The following PTPRD variants were observed in gnomAD, a reference collection of about 807,000 sequenced individuals.
The protein encoded by PTPRD is protein tyrosine phosphatase receptor type D, also known as receptor-type tyrosine-protein phosphatase delta.
In PTPRD, 34 loss-of-function variants were observed where a neutral mutation model predicts 214.5. That is an observed-to-expected ratio of 0.16 (90% CI 0.12 to 0.21). The LOEUF is 0.21. PTPRD is among the 10% of genes least tolerant of loss of function. PTPRD has a pLI of 1.00. For missense variants in PTPRD, 2,545 were observed against 2,398.7 expected, an observed-to-expected ratio of 1.06 and a Z score of -1.27; for synonymous variants, 1,128 against 845.7, an observed-to-expected ratio of 1.33 and a Z score of -5.79.
At chr9:8,667,785 C>A (rs911940794) in intron 12 of PTPRD, among the ~76,000 whole-genome samples, 1 of 151,596 alleles carries the variant, frequency 6.6e-6, no homozygotes, top group South Asian at 2.1e-4. Context: ...AATAAAAATC[C>A]AAAATCTGAA....
intron 10 of PTPRD, among the ~76,000 whole-genome samples, chr9:9,107,611 G>A (rs1046711986): frequency 1.3e-5 from 2 of 152,158 alleles, no homozygotes; most frequent in African/African-American, 4.8e-5. Context: ...TAAAAGGGAG[G>A]AAGTAGGTGA....
intron 3 of PTPRD, among the ~76,000 whole-genome samples, chr9:10,129,871 A>G (rs2098846599): frequency 6.6e-6 from 1 of 152,116 alleles, no homozygotes; most frequent in African/African-American, 2.4e-5. Flanking sequence ...CAGAGAAAAC[A>G]TCTAAACAAA....
intron 9 of PTPRD, among the ~76,000 whole-genome samples, chr9:9,315,407 T>A (rs1569567299): frequency 6.6e-6 from 1 of 152,030 alleles, no homozygotes; most frequent in Non-Finnish European, 1.5e-5. Flanking sequence ...GCCAGTAAGT[T>A]AAACACTTAT....
At chr9:9,066,996 A>G (rs1293882220) in intron 10 of PTPRD, among the ~76,000 whole-genome samples, 3 of 152,208 alleles carry the variant, frequency 2.0e-5, no homozygotes, top group Non-Finnish European at 2.9e-5. Context: ...TAATCCCAGC[A>G]CTTTGGGAGG....
rs1415064571 is a variant in PTPRD, at chr9:10,315,339, T to C, written c.-545+25624A>G. On this transcript the variant is annotated intron_variant, in intron 3 of 45. Coordinates refer to ENST00000381196, the MANE Select transcript of PTPRD (RefSeq NM_002839.4). ...ATATCTAAATCATCAGCAGAATAAA[T>C]GTAGTTTATTTTGTAAACTTCAGGA... Among the ~76,000 whole-genome samples, 3 of 152,060 alleles carry C rather than the reference T, an allele frequency of 2.0e-5. 1 individual carries two copies. The highest frequency in any genetic ancestry group is 6.8e-3 in the Middle Eastern group (2 of 294).
chr9:8,537,016 G>GA (rs1425402291), intron 14 of PTPRD, among the ~76,000 whole-genome samples: 1 of 151,854 alleles, frequency 6.6e-6, no homozygotes, highest in African/African-American at 2.4e-5. Context: ...TGAAGAAGAG[G>GA]AAAAAACATT....
intron 8 of PTPRD, among the ~76,000 whole-genome samples, chr9:9,455,985 A>G (rs1027896889): frequency 6.6e-6 from 1 of 151,802 alleles, no homozygotes; most frequent in Non-Finnish European, 1.5e-5. Flanking sequence ...ACCCATTAAT[A>G]TTACTACTTG....
intron 3 of PTPRD, among the ~76,000 whole-genome samples, chr9:10,214,365 C>T (rs1011085191): frequency 1.3e-5 from 2 of 151,762 alleles, no homozygotes; most frequent in Admixed American, 6.6e-5. Context: ...CAACCTCTAC[C>T]TCCTGGGTTC....
intron 36 of PTPRD, among the ~76,000 whole-genome samples, chr9:8,398,592 T>C (rs1458866829): frequency 1.3e-5 from 2 of 152,184 alleles, no homozygotes; most frequent in Non-Finnish European, 2.9e-5. Context: ...GGTGAGGTCT[T>C]AGGAAATGCT....
At chr9:10,517,574 T>C (rs1227429956) in intron 2 of PTPRD, among the ~76,000 whole-genome samples, 2 of 152,058 alleles carry the variant, frequency 1.3e-5, no homozygotes, top group Admixed American at 6.6e-5. Context: ...TTTTGTCCAA[T>C]GTAATTTTCA....
At chr9:9,690,678 A>G (rs1595330562) in intron 7 of PTPRD, among the ~76,000 whole-genome samples, 1 of 151,854 alleles carries the variant, frequency 6.6e-6, no homozygotes, top group East Asian at 1.9e-4. Flanking sequence ...GGATTTTTCC[A>G]TATAGGTTAT....
intron 3 of PTPRD, among the ~76,000 whole-genome samples, chr9:10,038,147 C>T (rs1407982737): frequency 6.6e-6 from 1 of 152,110 alleles, no homozygotes; most frequent in Non-Finnish European, 1.5e-5. Flanking sequence ...TTCCATGATG[C>T]TACTTTTCTC....
intron 7 of PTPRD, among the ~76,000 whole-genome samples, chr9:9,636,175 C>G (rs1364120816): frequency 6.6e-6 from 1 of 152,184 alleles, no homozygotes; most frequent in Non-Finnish European, 1.5e-5. Flanking sequence ...CCACTCCTCA[C>G]TCATTCAAAC....
At chr9:8,831,807 G>C (rs551397331) in intron 11 of PTPRD, among the ~76,000 whole-genome samples, 1 of 152,128 alleles carries the variant, frequency 6.6e-6, no homozygotes, top group Non-Finnish European at 1.5e-5. Context: ...AAACCTCAGA[G>C]AAAGTTTCAC....
intron 9 of PTPRD, among the ~76,000 whole-genome samples, chr9:9,304,185 T>A (rs1241226188): frequency 6.6e-6 from 1 of 152,108 alleles, no homozygotes; most frequent in African/African-American, 2.4e-5. Flanking sequence ...AACAATAGAT[T>A]TTATAAATTA....
chr9:9,703,443 A>T (rs1211761094), intron 7 of PTPRD, among the ~76,000 whole-genome samples: 2 of 152,188 alleles, frequency 1.3e-5, no homozygotes, highest in Non-Finnish European at 2.9e-5. Flanking sequence ...TGGGGTTTAC[A>T]TGGCAGAAAC....
chr9:9,227,582 T>A (rs1266778628), intron 9 of PTPRD, among the ~76,000 whole-genome samples: 1 of 152,092 alleles, frequency 6.6e-6, no homozygotes. Context: ...CTTCTAATGA[T>A]TAGAATAAAG....
intron 11 of PTPRD, among the ~76,000 whole-genome samples, chr9:8,790,043 G>T (rs1371854860): frequency 1.3e-5 from 2 of 151,898 alleles, no homozygotes; most frequent in Non-Finnish European, 2.9e-5. Flanking sequence ...TTGAGACAGG[G>T]TTTCACTGGG....
intron 44 of PTPRD, among the ~76,000 whole-genome samples, chr9:8,328,556 G>C (rs184255912): frequency 0.039 from 5,971 of 151,866 alleles, 392 homozygotes; most frequent in African/African-American, 0.14. Flanking sequence ...TCCTGAATTT[G>C]AATGTTGGCC....
Sources: allele counts gnomAD v4.1 joint callset (sites outside exome capture counted in the v4.1 genomes callset), GRCh38; gene constraint gnomAD v4.1.1; transcripts MANE v1.5; gene names NCBI Gene and HGNC (gene_info 2026-07-23, HGNC 2026-07-21).